TNIK: variants seen among roughly 807,000 people sequenced by gnomAD.
TNIK encodes the protein TRAF2 and NCK-interacting protein kinase.
A neutral mutation model predicts 191.3 loss-of-function variants in TNIK; 49 were observed. That is an observed-to-expected ratio of 0.26 (90% confidence interval 0.20 to 0.32). TNIK has a LOEUF of 0.32. TNIK is among the 10% of genes least tolerant of loss of function. The pLI is 1.00. For missense variants in TNIK, 1,155 were observed against 1,702.3 expected, an observed-to-expected ratio of 0.68 and a Z score of 5.66; for synonymous variants, 594 against 600.9, an observed-to-expected ratio of 0.99 and a Z score of 0.17.
intron 29 of TNIK, among the ~76,000 whole-genome samples, chr3:171,070,447 TGA>T (rs542262596): frequency 2.0e-5 from 3 of 150,694 alleles, no homozygotes; most frequent in East Asian, 1.9e-4. Flanking sequence ...AGACATAAGC[TGA>T]GAGAGAGAGA....
In TNIK at chr3:171,325,678, G is replaced by A. The variant is rs761387770; in HGVS notation, c.123+43942C>T. 1.1e-4 allele frequency among the ~76,000 whole-genome samples: 17 copies of A among 150,986 alleles called. 1 individual carries two copies. Among genetic ancestry groups the A allele is most frequent in the Non-Finnish European group, 2.1e-4 (14 of 67,298 alleles). On this transcript the variant is annotated intron_variant, in intron 2 of 32. Transcript: ENST00000436636. Reference sequence around the variant, plus strand: ...TGTATTTTATCTGGCAACTTTAATTGTGGCCAGTACAAACAGCCAAGGTCA... The same window carrying A: ...TGTATTTTATCTGGCAACTTTAATTATGGCCAGTACAAACAGCCAAGGTCA...
At chr3:171,332,754 A>G (rs893404626) in intron 2 of TNIK, among the ~76,000 whole-genome samples, 1 of 152,262 alleles carries the variant, frequency 6.6e-6, no homozygotes, top group African/African-American at 2.4e-5. Flanking sequence ...AAGGCTAGAC[A>G]CATAAAAGAA....
At chr3:171,291,698 G>A (rs911120631) in intron 2 of TNIK, among the ~76,000 whole-genome samples, 1 of 152,124 alleles carries the variant, frequency 6.6e-6, no homozygotes, top group Non-Finnish European at 1.5e-5. Context: ...ATTTGACTAT[G>A]ATATGCTTTG....
At chr3:171,284,117 G>A (rs1577349184) in intron 2 of TNIK, among the ~76,000 whole-genome samples, 1 of 152,000 alleles carries the variant, frequency 6.6e-6, no homozygotes, top group African/African-American at 2.4e-5. Flanking sequence ...TGAAACTCTG[G>A]AGGGGGGCGG....
At chr3:171,351,777 A>G (rs1392281022) in intron 2 of TNIK, among the ~76,000 whole-genome samples, 1 of 152,186 alleles carries the variant, frequency 6.6e-6, no homozygotes, top group Non-Finnish European at 1.5e-5. Context: ...ACTTATCCAA[A>G]TGTGTGATTC....
chr3:171,305,050 GA>G (rs11440018), intron 2 of TNIK, among the ~76,000 whole-genome samples: 48 of 133,838 alleles, frequency 3.6e-4, no homozygotes, highest in East Asian at 1.0e-3. Context: ...CTGCCACAGG[GA>G]AAAAAAAAAA....
intron 1 of TNIK, among the ~76,000 whole-genome samples, chr3:171,397,027 T>C (rs555086577): frequency 1.4e-4 from 21 of 152,346 alleles, no homozygotes; most frequent in Non-Finnish European, 2.6e-4. Flanking sequence ...GAGTCTGAAT[T>C]GCCAGAAATA....
In TNIK at chr3:171,194,639, G is replaced by T. The variant is rs768487528; in HGVS notation, c.307-4C>A. 1.2e-6 allele frequency: 2 copies of T among 1,611,670 alleles called. No individual in the cohort carries two copies. The highest frequency in any genetic ancestry group is 2.2e-5 in the South Asian group (2 of 90,728). ...CACCACAAAACTCCATCACCAACTG[G>T]CAAAGGAAGCAAACAAGCCATTATT... is the stretch of plus-strand genomic sequence containing the variant. On this transcript the variant is annotated splice_polypyrimidine_tract_variant and splice_region_variant and intron_variant, in intron 4 of 32. Coordinates refer to ENST00000436636, the MANE Select transcript of TNIK (RefSeq NM_015028.4).
At chr3:171,244,394 T>C (rs1337170417) in intron 2 of TNIK, among the ~76,000 whole-genome samples, 2 of 152,154 alleles carry the variant, frequency 1.3e-5, no homozygotes, top group African/African-American at 4.8e-5. Flanking sequence ...TGTGCTTACT[T>C]AGTGCTATAC....
intron 2 of TNIK, among the ~76,000 whole-genome samples, chr3:171,293,212 T>C (rs1347781481): frequency 6.6e-6 from 1 of 152,216 alleles, no homozygotes; most frequent in Non-Finnish European, 1.5e-5. Context: ...ATCTTTTATC[T>C]ATATATCAAG....
At chr3:171,143,323 T>C (rs1426587207) in intron 12 of TNIK, among the ~76,000 whole-genome samples, 1 of 151,946 alleles carries the variant, frequency 6.6e-6, no homozygotes, top group Non-Finnish European at 1.5e-5. Flanking sequence ...GGAGGGGATA[T>C]AAAAAAAACA....
intron 2 of TNIK, among the ~76,000 whole-genome samples, chr3:171,328,521 A>G (rs1489703027): frequency 6.6e-6 from 1 of 152,202 alleles, no homozygotes; most frequent in Non-Finnish European, 1.5e-5. Flanking sequence ...ACTAATCCTT[A>G]CCAAATTATT....
chr3:171,106,343 T>C (rs1724880432), intron 21 of TNIK, among the ~76,000 whole-genome samples: 1 of 152,244 alleles, frequency 6.6e-6, no homozygotes, highest in Non-Finnish European at 1.5e-5. Context: ...AGTGAGGTTA[T>C]GAGACTAGTC....
intron 1 of TNIK, among the ~76,000 whole-genome samples, chr3:171,429,690 G>A (rs2108655602): frequency 6.6e-6 from 1 of 152,108 alleles, no homozygotes; most frequent in Admixed American, 6.5e-5. Context: ...CCTCAAACAA[G>A]CATTTTACAT....
At chr3:171,408,297 G>T (rs1006208070) in intron 1 of TNIK, among the ~76,000 whole-genome samples, 15 of 152,080 alleles carry the variant, frequency 9.9e-5, no homozygotes, top group East Asian at 5.8e-4. Context: ...TTGCAAAAAA[G>T]GATCTTTTAT....
chr3:171,401,612 G>T (rs1246173492), intron 1 of TNIK, among the ~76,000 whole-genome samples: 1 of 152,046 alleles, frequency 6.6e-6, no homozygotes, highest in Non-Finnish European at 1.5e-5. Flanking sequence ...CAAGGCATGT[G>T]GGGGCAGGAG....
At chr3:171,434,785 T>G (rs1725828618) in intron 1 of TNIK, among the ~76,000 whole-genome samples, 1 of 152,194 alleles carries the variant, frequency 6.6e-6, no homozygotes, top group Non-Finnish European at 1.5e-5. Flanking sequence ...TTCTTGTTTC[T>G]TTTATGTCTT....
chr3:171,419,309 G>T (rs1482488154), intron 1 of TNIK, among the ~76,000 whole-genome samples: 2 of 152,160 alleles, frequency 1.3e-5, no homozygotes, highest in Non-Finnish European at 2.9e-5. Context: ...GGGAAAATCC[G>T]TAAAGACAGA....
At chr3:171,435,393 C>T (rs1725908459) in intron 1 of TNIK, among the ~76,000 whole-genome samples, 1 of 152,150 alleles carries the variant, frequency 6.6e-6, no homozygotes, top group Non-Finnish European at 1.5e-5. Flanking sequence ...AACACCAAAA[C>T]ACATCCAGAG....
Sources: allele counts gnomAD v4.1 joint callset (sites outside exome capture counted in the v4.1 genomes callset), GRCh38; gene constraint gnomAD v4.1.1; transcripts MANE v1.5; gene names NCBI Gene and HGNC (gene_info 2026-07-23, HGNC 2026-07-21).